Variants in LACTBL1 observed in about 807,000 individuals in gnomAD.
LACTBL1 encodes the protein lactamase beta like 1.
Under a neutral mutation model 39.6 loss-of-function variants are expected in LACTBL1, and 29 were observed. The observed-to-expected ratio is 0.73, with a 90% CI of 0.55 to 1.00. The LOEUF (loss-of-function observed/expected upper bound fraction) is 1.00, where lower values mean the gene tolerates loss of function less well. Ranked by LOEUF, LACTBL1 falls within the 50% of genes least tolerant of loss-of-function variation. LACTBL1 has a pLI of 0.00. For synonymous variants in LACTBL1, 361 were observed against 360.7 expected, an observed-to-expected ratio of 1.00 and a Z score of -0.01; for missense variants, 711 against 748.5, an observed-to-expected ratio of 0.95 and a Z score of 0.59.
intron 4 of LACTBL1, among the ~76,000 whole-genome samples, chr1:22,957,602 T>C (rs1481339230): frequency 2.0e-5 from 3 of 151,666 alleles, no homozygotes; most frequent in Non-Finnish European, 4.4e-5. Flanking sequence ...TATGTTGTTA[T>C]GAATGAAGTT....
exon 6 of LACTBL1, chr1:22,953,119 G>A: frequency 8.1e-7 from 1 of 1,232,204 alleles, no homozygotes; most frequent in Non-Finnish European, 1.0e-6. Context: ...GTCGAAGCCG[G>A]GTGACAGCCC....
At chr1:22,953,137 T>G in exon 6 of LACTBL1, 1 of 1,232,242 alleles carries the variant, frequency 8.1e-7, no homozygotes, top group Non-Finnish European at 1.0e-6. Context: ...CCCGTGGTGA[T>G]CCAAGGGGTA....
chr1:22,965,284 A>T lies in LACTBL1; in HGVS notation c.49+6T>A, dbSNP rs1440058623. On this transcript the variant is annotated splice_donor_region_variant and intron_variant, in intron 1 of 5. Transcript: ENST00000426928. The stretch of plus-strand genomic sequence containing the variant: ...GGGAGGAACTCAAGGCTGTCTCTGC[A>T]CTCACCGGTCTTCAGCTTGGGGAGG... 3 of 1,319,744 alleles carry T rather than the reference A, an allele frequency of 2.3e-6. No individual in the cohort carries two copies. In the African/African-American group the frequency reaches 4.6e-5, roughly 20 times the overall value. The allele number at this position is 1,319,744 out of a possible 1,614,324, so 81.8% of individuals were successfully genotyped here. A position where few individuals can be genotyped will look rare whatever the true frequency, so the allele number is the denominator to read the frequency against.
chr1:22,955,303 TCAGG>T lies in LACTBL1; in HGVS notation c.659+14_659+17del, dbSNP rs1640750030. On this transcript the variant is annotated intron_variant, in intron 5 of 5. Transcript: ENST00000426928. ...GAGGCTCCTAACATGAGGCTGGGCA[TCAGG>T]GTATGCTCCTCACCTGGTTCCCGGG... is the stretch of plus-strand genomic sequence containing the variant. 1.3e-6 allele frequency: 2 copies of T among 1,542,270 alleles called. No individual in the cohort carries two copies. The highest frequency in any genetic ancestry group is 2.7e-5 in the African/African-American group (2 of 72,860).
chr1:22,953,550 C>A, exon 6 of LACTBL1: 1 of 1,248,742 alleles, frequency 8.0e-7, no homozygotes, highest in Non-Finnish European at 1.0e-6. Flanking sequence ...CCAGACGCAG[C>A]GGGGGCACCA....
chr1:22,960,130 GC>G (rs1640805133), intron 2 of LACTBL1, 31 bp from the exon 5 acceptor site: 8 of 1,548,918 alleles, frequency 5.2e-6, no homozygotes, highest in East Asian at 2.4e-5. Context: ...GCAGTGACAG[GC>G]CCCCCTGCCC....
chr1:22,957,034 T>C (rs1640768412), intron 4 of LACTBL1, among the ~76,000 whole-genome samples: 1 of 152,128 alleles, frequency 6.6e-6, no homozygotes, highest in Non-Finnish European at 1.5e-5. Flanking sequence ...ACTTGTGTTA[T>C]ATAATATGTA....
intron 3 of LACTBL1, 32 bp downstream of exon 5, chr1:22,959,910 C>T: frequency 6.4e-7 from 1 of 1,550,394 alleles, no homozygotes; most frequent in Non-Finnish European, 8.7e-7. Flanking sequence ...TCCCTTACCC[C>T]TCCACAGGAC....
upstream of LACTBL1, among the ~76,000 whole-genome samples, chr1:22,967,508 C>T (rs1207906070): frequency 6.6e-6 from 1 of 152,036 alleles, no homozygotes; most frequent in Non-Finnish European, 1.5e-5. Context: ...GATTGCACCA[C>T]TACATGCCAG....
At chr1:22,969,883 T>C (rs1640921093), upstream of LACTBL1, among the ~76,000 whole-genome samples, 1 of 152,198 alleles carries the variant, frequency 6.6e-6, no homozygotes, top group Non-Finnish European at 1.5e-5. Context: ...CTCCTGGCTC[T>C]TATGCCTTGG....
chr1:22,969,404 T>C (rs936092117), upstream of LACTBL1, among the ~76,000 whole-genome samples: 4 of 152,222 alleles, frequency 2.6e-5, no homozygotes, highest in African/African-American at 9.7e-5. Context: ...CATACTGACA[T>C]CTGCCTTCTG....
upstream of LACTBL1, among the ~76,000 whole-genome samples, chr1:22,966,560 C>T (rs527716058): frequency 6.4e-4 from 98 of 152,318 alleles, no homozygotes; most frequent in Non-Finnish European, 8.2e-4. Flanking sequence ...ATCCATTTGA[C>T]AGTTTAAATG....
chr1:22,968,736 C>T (rs555431619), upstream of LACTBL1, among the ~76,000 whole-genome samples: 4 of 152,288 alleles, frequency 2.6e-5, no homozygotes, highest in African/African-American at 7.2e-5. Flanking sequence ...AAGAAAATCA[C>T]TTAACCTCCC....
At chr1:22,959,842 G>A in intron 3 of LACTBL1, 100 bp downstream of exon 5, 1 of 1,359,282 alleles carries the variant, frequency 7.4e-7, no homozygotes, top group Non-Finnish European at 1.0e-6. Flanking sequence ...TGGCAGATTA[G>A]ACCCCAGCCA....
intron 1 of LACTBL1, 42 bp from the exon 4 acceptor site, chr1:22,963,258 G>C: frequency 8.7e-7 from 1 of 1,146,574 alleles, no homozygotes; most frequent in Non-Finnish European, 1.2e-6. Flanking sequence ...CAGAGATCAG[G>C]ATAGGAATCT....
intron 3 of LACTBL1, 113 bp downstream of exon 5, chr1:22,959,829 C>A: frequency 8.0e-7 from 1 of 1,245,624 alleles, no homozygotes; most frequent in Admixed American, 2.4e-5. Flanking sequence ...TCATAATAGG[C>A]CCTGGCAGAT....
exon 6 of LACTBL1, chr1:22,953,918 G>GCGGCTC (rs750844503): frequency 6.5e-7 from 1 of 1,550,350 alleles, no homozygotes; most frequent in Admixed American, 2.0e-5. Context: ...GCCATCCCCA[G>GCGGCTC]CGGCTCCAGC....
At chr1:22,972,329 A>G in the LACTBL1 span, 2 of 985,270 alleles carry the variant, frequency 2.0e-6, no homozygotes, top group Non-Finnish European at 2.4e-6. Context: ...TCTCCAAGGC[A>G]TGGAAGATTC....
At chr1:22,972,490 G>A in the LACTBL1 span, 2 of 948,900 alleles carry the variant, frequency 2.1e-6, no homozygotes, top group Non-Finnish European at 2.5e-6. Flanking sequence ...AGACGAGGAT[G>A]CGGGGGATCA....
Sources: gnomAD v4.1 joint callset for allele counts (sites outside exome capture counted in the v4.1 genomes callset) on GRCh38, gnomAD v4.1.1 for gene constraint, MANE v1.5 for transcripts, NCBI Gene and HGNC (gene_info 2026-07-23, HGNC 2026-07-21) for gene names.